Variants in DSTN observed in about 807,000 individuals in gnomAD.
The protein encoded by DSTN is destrin.
A neutral mutation model predicts 16.8 loss-of-function variants in DSTN; 10 were observed. The ratio of observed to expected loss-of-function variants is 0.60; its 90% CI spans 0.37 to 1.01. DSTN has a LOEUF of 1.01. DSTN is among the 50% of genes least tolerant of loss of function. The pLI is 0.01. For synonymous variants in DSTN, 57 were observed against 58.9 expected, an observed-to-expected ratio of 0.97 and a Z score of 0.14; for missense variants, 141 against 196.7, an observed-to-expected ratio of 0.72 and a Z score of 1.69.
intron 1 of DSTN, among the ~76,000 whole-genome samples, chr20:17,587,316 G>A (rs553274351): frequency 1.3e-5 from 2 of 152,140 alleles, no homozygotes; most frequent in South Asian, 4.2e-4. Context: ...GCCCAGGCTG[G>A]AGTGCAGTGG....
At chr20:17,604,406 G>A (rs927033077) in intron 2 of DSTN, 149 bp from the exon 3 acceptor site, 8 of 697,206 alleles carry the variant, frequency 1.1e-5, no homozygotes, top group Middle Eastern at 8.1e-4. Flanking sequence ...TGAGCTGCTG[G>A]GGAGGTAGAA....
intron 1 of DSTN, among the ~76,000 whole-genome samples, chr20:17,598,347 A>G (rs950936913): frequency 3.3e-5 from 5 of 152,162 alleles, no homozygotes; most frequent in African/African-American, 9.7e-5. Flanking sequence ...TGGCCCCACA[A>G]ACATTTGTTA....
chr20:17,597,484 G>A (rs753760819), intron 1 of DSTN, among the ~76,000 whole-genome samples: 3 of 152,158 alleles, frequency 2.0e-5, no homozygotes, highest in Non-Finnish European at 4.4e-5. Flanking sequence ...TTGTATAAAT[G>A]TATGGGGGTA....
Position 17,588,547 on chromosome 20 carries a change from C to T in DSTN, c.4-12191C>T, listed in dbSNP as rs1015610024. Among the ~76,000 whole-genome samples, 55 of 152,008 alleles carry T rather than the reference C, an allele frequency of 3.6e-4. 1 individual carries two copies. The highest frequency in any genetic ancestry group is 1.2e-3 in the African/African-American group (51 of 41,370). ...CTGTAATCCCAGCACTTTGGGAGGC[C>T]GAGGCGGGCGGATCACAAGGTCAGG... On this transcript the variant is annotated intron_variant, in intron 1 of 3. Transcript: ENST00000246069.
At chr20:17,583,030 TG>T (rs1248223319) in intron 1 of DSTN, among the ~76,000 whole-genome samples, 2 of 152,228 alleles carry the variant, frequency 1.3e-5, no homozygotes, top group Non-Finnish European at 2.9e-5. Context: ...CCCACTTGTT[TG>T]GGCAAAGGAT....
At chr20:17,583,904 T>G (rs904208308) in intron 1 of DSTN, among the ~76,000 whole-genome samples, 12 of 151,898 alleles carry the variant, frequency 7.9e-5, no homozygotes, top group African/African-American at 2.9e-4. Flanking sequence ...CCCTGGCAAT[T>G]TTAAAAAGTT....
chr20:17,593,816 T>G (rs1455201956), intron 1 of DSTN, among the ~76,000 whole-genome samples: 1 of 152,152 alleles, frequency 6.6e-6, no homozygotes, highest in East Asian at 1.9e-4. Context: ...TGGTGGCTCA[T>G]ACCTGTAGTC....
rs1255141774 is a variant in DSTN at position 17,607,028 on chromosome 20, T to TC, written c.389-8dup. ...AATTGTAAATAGAAGTGTTGTTTTT[T>TC]CTCTCTAGGCATAAAACATGAATGT... On this transcript the variant is annotated splice_polypyrimidine_tract_variant and intron_variant, in intron 3 of 3. Coordinates refer to ENST00000246069, the MANE Select transcript of DSTN (RefSeq NM_006870.4). 1 of 1,612,072 alleles carries TC rather than the reference T, an allele frequency of 6.2e-7. No homozygotes were observed. Among genetic ancestry groups the TC allele is most frequent in the South Asian group, 1.1e-5 (1 of 90,360 alleles).
intron 3 of DSTN, chr20:17,605,063 C>A (rs1438091517): frequency 4.4e-6 from 2 of 456,718 alleles, no homozygotes; most frequent in Non-Finnish European, 8.8e-6. Flanking sequence ...TCCAGCTTTA[C>A]TGTTGAATGG....
At chr20:17,582,112 C>T (rs2035352725) in intron 1 of DSTN, among the ~76,000 whole-genome samples, 1 of 146,670 alleles carries the variant, frequency 6.8e-6, no homozygotes, top group Non-Finnish European at 1.5e-5. Flanking sequence ...TGAGTCTCAC[C>T]CTGTTGCCCA....
At chr20:17,572,137 A>G (rs895986376) in intron 1 of DSTN, among the ~76,000 whole-genome samples, 3 of 152,172 alleles carry the variant, frequency 2.0e-5, no homozygotes, top group Admixed American at 2.0e-4. Context: ...ATTAAATTTT[A>G]ACTACCGATG....
intron 2 of DSTN, among the ~76,000 whole-genome samples, chr20:17,601,609 A>G (rs2035588094): frequency 6.6e-6 from 1 of 152,242 alleles, no homozygotes; most frequent in African/African-American, 2.4e-5. Context: ...CACATTTCAA[A>G]TGCTCAGTAG....
intron 2 of DSTN, among the ~76,000 whole-genome samples, chr20:17,603,620 A>G (rs1568740897): frequency 1.3e-5 from 2 of 152,224 alleles, no homozygotes; most frequent in African/African-American, 4.8e-5. Flanking sequence ...TCTGTCCGTT[A>G]CTAATCATCC....
chr20:17,600,675 ATTATT>A (rs1276146259), intron 1 of DSTN, 58 bp from the exon 2 acceptor site: 3 of 1,459,592 alleles, frequency 2.1e-6, no homozygotes, highest in African/African-American at 2.9e-5. Flanking sequence ...AGCAGAATTT[ATTATT>A]TTATGTTTGG....
In DSTN at chr20:17,609,481, G is replaced by A. The variant is rs1302332569; in HGVS notation, c.*2335G>A. On this transcript the variant is annotated 3_prime_UTR_variant, in exon 4 of 4. Transcript: ENST00000246069. ...ATTTGGTCAAGGAGTTTTAGAAGGA[G>A]ATTTTTCCTGTGGTGTTGGCTTAAG... is the stretch of plus-strand genomic sequence containing the variant. 2 of 152,272 alleles carry A rather than the reference G, an allele frequency of 1.3e-5. No homozygotes were observed. The highest frequency in any genetic ancestry group is 4.8e-5 in the African/African-American group (2 of 41,454). 9.4% of individuals were successfully genotyped at this position (152,272 alleles called of 1,614,324 possible). A position where few individuals can be genotyped will look rare whatever the true frequency, so the allele number is the denominator to read the frequency against.
At chr20:17,587,890 T>C (rs2035428263) in intron 1 of DSTN, among the ~76,000 whole-genome samples, 1 of 152,246 alleles carries the variant, frequency 6.6e-6, no homozygotes, top group African/African-American at 2.4e-5. Context: ...TTTCTTCAGC[T>C]TTATTAGCCA....
In DSTN at chr20:17,597,566, T is replaced by G. The variant is rs78619999; in HGVS notation, c.4-3172T>G. 8.4e-3 allele frequency among the ~76,000 whole-genome samples: 1,277 copies of G among 152,350 alleles called. 16 individuals are homozygous for G. The highest frequency in any genetic ancestry group is 0.029 in the African/African-American group (1,224 of 41,584). ...TCTTTTAGGGTATCCATCACCCGAA[T>G]AACATACATTCTACCCATTAATTAA... On this transcript the variant is annotated intron_variant, in intron 1 of 3. Transcript: ENST00000246069.
intron 1 of DSTN, among the ~76,000 whole-genome samples, chr20:17,577,782 G>A (rs552211522): frequency 6.6e-6 from 1 of 152,138 alleles, no homozygotes; most frequent in East Asian, 1.9e-4. Context: ...TACACTGAAA[G>A]CACGTGTCAA....
At chr20:17,587,504 G>T (rs888757717) in intron 1 of DSTN, among the ~76,000 whole-genome samples, 1 of 151,994 alleles carries the variant, frequency 6.6e-6, no homozygotes, top group Non-Finnish European at 1.5e-5. Context: ...ATTAACACTC[G>T]GAATAGGTAC....
Sources: allele counts gnomAD v4.1 joint callset (sites outside exome capture counted in the v4.1 genomes callset), GRCh38; gene constraint gnomAD v4.1.1; transcripts MANE v1.5; gene names NCBI Gene and HGNC (gene_info 2026-07-23, HGNC 2026-07-21).